BRINP1: variants seen among roughly 807,000 people sequenced by gnomAD.
The protein encoded by BRINP1 is BMP/retinoic acid-inducible neural-specific protein 1.
Under a neutral mutation model 72.9 loss-of-function variants are expected in BRINP1, and 17 were observed. The ratio of observed to expected loss-of-function variants is 0.23; its 90% confidence interval spans 0.16 to 0.35. The LOEUF is 0.35. BRINP1 is among the 10% of genes least tolerant of loss of function. The pLI is 1.00. For synonymous variants in BRINP1, 418 were observed against 378.5 expected (o/e 1.10, Z -1.21); for missense variants, 850 against 1,001.6 (o/e 0.85, Z 2.04).
intron 7 of BRINP1, among the ~76,000 whole-genome samples, chr9:119,185,399 G>A (rs949698978): frequency 2.0e-5 from 3 of 152,124 alleles, no homozygotes; most frequent in African/African-American, 7.2e-5. Context: ...AGATTTTAAA[G>A]GACAATCTTG....
Position 119,167,642 on chromosome 9 carries a change from G to T in BRINP1, c.1728C>A (p.Asn576Lys). ...GGTAGCCAAATTCCCCGAAGGGCATGTTCCAGCCCTCCGAATGGCTCCCGC... is the reference window on the plus strand; with the variant it reads ...GGTAGCCAAATTCCCCGAAGGGCATTTTCCAGCCCTCCGAATGGCTCCCGC... ...PFSGSHSEGW[N>K]MPFGEFGYPR... The change falls in exon 8 of 8, where the codon AAC (asparagine) becomes AAA (lysine). Residue 576 changes from asparagine to lysine, a missense_variant. Physicochemically the swap from Asn to Lys is moderately conservative, Grantham distance 94 (BLOSUM62 0). Transcript: ENST00000265922. This position sits in a 1 kb window ranked among gnomAD's most constrained non-coding sequence, Gnocchi z 4.3. The T allele has an allele frequency of 1.2e-6, 2 of 1,614,116 alleles. No individual in the cohort carries two copies. The highest frequency in any genetic ancestry group is 1.7e-6 in the Non-Finnish European group (2 of 1,180,034).
chr9:119,270,854 C>T (rs1368530178), intron 2 of BRINP1, among the ~76,000 whole-genome samples: 1 of 152,106 alleles, frequency 6.6e-6, no homozygotes. Flanking sequence ...ATATGATATG[C>T]CTCACTATTC....
chr9:119,345,923 A>G (rs181587194), intron 1 of BRINP1, among the ~76,000 whole-genome samples: 298 of 152,194 alleles, frequency 2.0e-3, no homozygotes, highest in African/African-American at 6.9e-3. Flanking sequence ...GACAGGGTAA[A>G]TGAGGCACTA....
chr9:119,189,503 A>G (rs1474013873), intron 7 of BRINP1, among the ~76,000 whole-genome samples: 2 of 152,158 alleles, frequency 1.3e-5, no homozygotes, highest in Non-Finnish European at 2.9e-5. Context: ...TAGTCAAAAG[A>G]GAACAGGGGT....
At chr9:119,319,701 C>T (rs372460609) in intron 1 of BRINP1, among the ~76,000 whole-genome samples, 8 of 152,296 alleles carry the variant, frequency 5.3e-5, no homozygotes, top group African/African-American at 1.9e-4. Context: ...AGATGTATTC[C>T]ACAAAATGGG....
At chr9:119,253,600 G>A (rs982645334) in intron 2 of BRINP1, among the ~76,000 whole-genome samples, 2 of 152,144 alleles carry the variant, frequency 1.3e-5, no homozygotes. Flanking sequence ...CAGAGGCTGG[G>A]AAGGATAGTT....
chr9:119,215,309 A>G (rs915401756), intron 5 of BRINP1, among the ~76,000 whole-genome samples: 3 of 152,174 alleles, frequency 2.0e-5, no homozygotes, highest in Non-Finnish European at 2.9e-5. Context: ...GGACATGAGC[A>G]CTACTCTGGT....
intron 1 of BRINP1, among the ~76,000 whole-genome samples, chr9:119,326,282 A>G (rs779196709): frequency 3.3e-5 from 5 of 152,184 alleles, no homozygotes; most frequent in Non-Finnish European, 7.3e-5. Flanking sequence ...AAGAAACCAC[A>G]TCATCCCTAA....
intron 1 of BRINP1, among the ~76,000 whole-genome samples, chr9:119,315,237 A>C (rs1044470766): frequency 6.6e-6 from 1 of 152,100 alleles, no homozygotes; most frequent in South Asian, 2.1e-4. Flanking sequence ...GGCAGCCCTC[A>C]GCCTAGCCAG....
rs1287884007 is a variant in BRINP1 at position 119,208,871 on chromosome 9, G to A, written c.993C>T (p.His331=). 4 of 1,614,064 alleles carry A rather than the reference G, an allele frequency of 2.5e-6. No individual in the cohort carries two copies. The highest frequency in any genetic ancestry group is 3.4e-6 in the Non-Finnish European group (4 of 1,180,038). The change falls in exon 7 of 8, where the codon CAC becomes CAT. Residue 331 remains histidine (H), a synonymous_variant. Coordinates refer to ENST00000265922, the MANE Select transcript of BRINP1 (RefSeq NM_014618.3). Reference sequence around the variant, plus strand: ...TCTGCAGGTCCCAGTCATTGCCCCAGTGCTGATGGATGCTTCCGATGGTCA... The same window carrying A: ...TCTGCAGGTCCCAGTCATTGCCCCAATGCTGATGGATGCTTCCGATGGTCA... The part of the protein sequence containing the change: ...HFLTIGSIHQ[H]WGNDWDLQNR...
intron 5 of BRINP1, among the ~76,000 whole-genome samples, chr9:119,218,766 G>C (rs1406296967): frequency 9.4e-6 from 1 of 106,262 alleles, no homozygotes; most frequent in Admixed American, 9.0e-5. Flanking sequence ...TTTTTTTTTG[G>C]CTATGAGGTT....
At chr9:119,352,725 C>G (rs1449414736) in intron 1 of BRINP1, among the ~76,000 whole-genome samples, 1 of 152,108 alleles carries the variant, frequency 6.6e-6, no homozygotes, top group Admixed American at 6.5e-5. Flanking sequence ...TTTTTATATT[C>G]CATAAATATT....
chr9:119,208,705 G>A lies in BRINP1; in HGVS notation c.1145+14C>T. 2 of 1,610,742 alleles carry A rather than the reference G, an allele frequency of 1.2e-6. No homozygotes were observed. Among genetic ancestry groups the A allele is most frequent in the Non-Finnish European group, 1.7e-6 (2 of 1,178,496 alleles). ...GTAGGTGCCTGCAGAGGTGGAGGTGGTGGCAACACTTACCTCTCTCTAGGC... is the reference window on the plus strand; with the variant it reads ...GTAGGTGCCTGCAGAGGTGGAGGTGATGGCAACACTTACCTCTCTCTAGGC... On this transcript the variant is annotated intron_variant, in intron 7 of 7. Coordinates refer to ENST00000265922, the MANE Select transcript of BRINP1 (RefSeq NM_014618.3).
intron 5 of BRINP1, among the ~76,000 whole-genome samples, chr9:119,218,432 T>G (rs1830003916): frequency 6.6e-6 from 1 of 151,960 alleles, no homozygotes. Flanking sequence ...CATAAGCCAC[T>G]GCACCCTAAC....
Position 119,168,066 on chromosome 9 carries a change from C to T in BRINP1, c.1304G>A (p.Ser435Asn), listed in dbSNP as rs1312942615. 1.9e-6 allele frequency: 3 copies of T among 1,609,738 alleles called. No individual in the cohort carries two copies. The African/African-American group carries it at 4.0e-5, about 22-fold the overall frequency. ...GTTGGCCAGGCTGCACATGGCGCAG[C>T]TGTTGTTCCCGCCTATCACGCAGGG... ...PIPCVIGGNNSCAMCSLANIS... is the reference protein window; with the variant it reads ...PIPCVIGGNNNCAMCSLANIS... Residue 435 changes from serine (S) to asparagine (N), a missense_variant, in exon 8 of 8, where the codon AGC becomes AAC. Coordinates refer to ENST00000265922, the MANE Select transcript of BRINP1 (RefSeq NM_014618.3).
chr9:119,189,572 G>T (rs1429932311), intron 7 of BRINP1, among the ~76,000 whole-genome samples: 1 of 152,082 alleles, frequency 6.6e-6, no homozygotes, highest in African/African-American at 2.4e-5. Flanking sequence ...AAGAGAGAAA[G>T]ACGGTCATTG....
chr9:119,280,411 T>C (rs1333090260), intron 2 of BRINP1, among the ~76,000 whole-genome samples: 1 of 151,352 alleles, frequency 6.6e-6, no homozygotes, highest in Non-Finnish European at 1.5e-5. Context: ...GCTATTTTTT[T>C]TTTTTTGTAT....
intron 3 of BRINP1, among the ~76,000 whole-genome samples, chr9:119,244,477 T>C (rs1006952296): frequency 1.3e-5 from 2 of 152,114 alleles, no homozygotes; most frequent in Admixed American, 1.3e-4. Flanking sequence ...GATAAGTAGA[T>C]AGATAGATAG....
At chr9:119,218,403 AAAGTG>A (rs757860579) in intron 5 of BRINP1, among the ~76,000 whole-genome samples, 5 of 151,850 alleles carry the variant, frequency 3.3e-5, no homozygotes, top group Non-Finnish European at 5.9e-5. Flanking sequence ...TCGGCCTCCC[AAAGTG>A]CTGGGATTAC....
Sources: gnomAD v4.1 joint callset for allele counts (sites outside exome capture counted in the v4.1 genomes callset) on GRCh38, gnomAD v4.1.1 for gene constraint, Gnocchi (gnomAD v3.1) non-coding constraint, MANE v1.5 for transcripts, NCBI Gene and HGNC (gene_info 2026-07-23, HGNC 2026-07-21) for gene names.